Variants in PTPRQ observed in about 807,000 individuals in gnomAD.
The protein encoded by PTPRQ is protein tyrosine phosphatase receptor type Q.
PTPRQ carries 199 observed loss-of-function variants against 246.0 expected under a neutral mutation model. That is an observed-to-expected ratio of 0.81 (90% CI 0.72 to 0.91). The LOEUF (loss-of-function observed/expected upper bound fraction) is 0.91, where lower values mean the gene tolerates loss of function less well. Among genes scored for constraint, PTPRQ ranks in the 40% least tolerant of loss-of-function variants. PTPRQ has a pLI of 0.00. For synonymous variants in PTPRQ, 869 were observed against 853.2 expected, an observed-to-expected ratio of 1.02 and a Z score of -0.32; for missense variants, 2,624 against 2,528.4, an observed-to-expected ratio of 1.04 and a Z score of -0.81.
Position 80,541,595 on chromosome 12 carries a change from T to C in PTPRQ, c.3195T>C (p.Ile1065=), listed in dbSNP as rs1459056473. The change falls in exon 21 of 45, where the codon ATT becomes ATC. Residue 1065 remains isoleucine (I), a synonymous_variant. Coordinates refer to ENST00000644991, the MANE Select transcript of PTPRQ (RefSeq NM_001145026.2). ...TTGGAAACCTGACTTACGAATCCAT[T>C]TCGTCAACTGCAATAAATGTAAGCT... is the stretch of plus-strand genomic sequence containing the variant. The part of the protein sequence containing the change: ...GFVGNLTYES[I]SSTAINVSWV... 39 of 1,539,626 alleles carry C rather than the reference T, an allele frequency of 2.5e-5. No homozygotes were observed. The highest frequency in any genetic ancestry group is 4.4e-6 in the Non-Finnish European group (5 of 1,141,132).
intron 33 of PTPRQ, among the ~76,000 whole-genome samples, chr12:80,631,297 C>T (rs1899423875): frequency 6.6e-6 from 1 of 152,040 alleles, no homozygotes; most frequent in South Asian, 2.1e-4. Context: ...GTGCAAAAAG[C>T]TCCTGTGACA....
At chr12:80,607,956 G>C (rs771076218) in intron 27 of PTPRQ, among the ~76,000 whole-genome samples, 6 of 150,838 alleles carry the variant, frequency 4.0e-5, no homozygotes, top group Non-Finnish European at 8.9e-5. Context: ...CACTGGAATA[G>C]AAACAGCTAA....
At chr12:80,613,132 T>C (rs140879916) in intron 28 of PTPRQ, among the ~76,000 whole-genome samples, 1 of 150,706 alleles carries the variant, frequency 6.6e-6, no homozygotes, top group African/African-American at 2.4e-5. Flanking sequence ...ATAAAGTCTG[T>C]AGCATTAACA....
chr12:80,522,859 A>T lies in PTPRQ; in HGVS notation c.2679-11156A>T, dbSNP rs1895548343. ...TGTGTCTCTGCCAGGCTTTGGTATC[A>T]GGATGATGCTGGCATCATAAAATGA... is the stretch of plus-strand genomic sequence containing the variant. On this transcript the variant is annotated intron_variant, in intron 17 of 44. Coordinates refer to ENST00000644991, the MANE Select transcript of PTPRQ (RefSeq NM_001145026.2). Among the ~76,000 whole-genome samples the T allele has an allele frequency of 5.3e-5, 8 of 152,302 alleles. 1 individual carries two copies. The highest frequency in any genetic ancestry group is 3.4e-3 in the Middle Eastern group (1 of 294).
chr12:80,549,421 C>G, intron 24 of PTPRQ, 44 bp from the exon 25 acceptor site: 1 of 1,485,972 alleles, frequency 6.7e-7, no homozygotes, highest in Non-Finnish European at 9.0e-7. Flanking sequence ...TATCTACTTA[C>G]ATATGTATAC....
intron 40 of PTPRQ, 41 bp downstream of exon 40, chr12:80,669,182 T>C (rs1397919747): frequency 1.3e-6 from 2 of 1,539,782 alleles, no homozygotes; most frequent in Middle Eastern, 3.4e-4. Flanking sequence ...TGTTTTACGA[T>C]TGTGTTAACA....
intron 10 of PTPRQ, among the ~76,000 whole-genome samples, chr12:80,494,125 TA>T (rs891077938): frequency 1.9e-3 from 292 of 151,700 alleles, no homozygotes; most frequent in East Asian, 0.018. Flanking sequence ...GTAGAATTAG[TA>T]AAAAAAAATC....
chr12:80,462,084 A>C (rs1165804868), intron 6 of PTPRQ: 14 of 640,248 alleles, frequency 2.2e-5, no homozygotes, highest in Non-Finnish European at 3.1e-5. Context: ...GGGGAGCACA[A>C]GGGGTCAGGG....
At chr12:80,578,075 T>C (rs1897322278) in intron 25 of PTPRQ, among the ~76,000 whole-genome samples, 1 of 152,150 alleles carries the variant, frequency 6.6e-6, no homozygotes. Context: ...TTTTAATTTT[T>C]ATTTTTTATT....
chr12:80,619,285 A>G, intron 30 of PTPRQ, 99 bp from the exon 31 acceptor site: 1 of 1,326,896 alleles, frequency 7.5e-7, no homozygotes. Context: ...GTTTGTCATC[A>G]CTTTATCTGT....
chr12:80,667,799 T>C (rs1418969664), intron 39 of PTPRQ, among the ~76,000 whole-genome samples: 1 of 151,970 alleles, frequency 6.6e-6, no homozygotes, highest in Non-Finnish European at 1.5e-5. Flanking sequence ...CATTAACATA[T>C]ATTATTTTTA....
intron 3 of PTPRQ, chr12:80,454,659 G>T: frequency 1.6e-6 from 1 of 633,208 alleles, no homozygotes; most frequent in East Asian, 2.7e-5. Context: ...CTACTTTGTT[G>T]AGGGTTTTTA....
In PTPRQ at chr12:80,643,119, C is replaced by T. The variant is rs112601052; in HGVS notation, c.5916-5778C>T. Among the ~76,000 whole-genome samples the T allele has an allele frequency of 2.3e-3, 348 of 151,782 alleles. 2 individuals carry two copies. The highest frequency in any genetic ancestry group is 8.1e-3 in the African/African-American group (336 of 41,390). On this transcript the variant is annotated intron_variant, in intron 35 of 44. Coordinates refer to ENST00000644991, the MANE Select transcript of PTPRQ (RefSeq NM_001145026.2). The stretch of plus-strand genomic sequence containing the variant: ...TTGAGAAGGTAATACATATCATTTA[C>T]TATTAATTGTTTTCCTGATTTAAAA...
At chr12:80,460,467 A>G (rs1893123163) in intron 5 of PTPRQ, among the ~76,000 whole-genome samples, 186 bp from the exon 6 acceptor site, 1 of 152,202 alleles carries the variant, frequency 6.6e-6, no homozygotes, top group Non-Finnish European at 1.5e-5. Flanking sequence ...TACAATAAAT[A>G]TGTCCTCTTC....
chr12:80,640,831 T>C (rs1899829376), intron 35 of PTPRQ, among the ~76,000 whole-genome samples: 1 of 152,216 alleles, frequency 6.6e-6, no homozygotes, highest in Non-Finnish European at 1.5e-5. Flanking sequence ...CTTATCAAAA[T>C]GCACATTGAC....
At chr12:80,447,254 T>A (rs1311222113) in intron 3 of PTPRQ, among the ~76,000 whole-genome samples, 1 of 152,074 alleles carries the variant, frequency 6.6e-6, no homozygotes, top group Non-Finnish European at 1.5e-5. Context: ...ATGGGGTTTT[T>A]CTCCTTGTAT....
At chr12:80,495,118 C>T (rs1445931003) in intron 11 of PTPRQ, 24 bp downstream of exon 11, 1 of 1,550,242 alleles carries the variant, frequency 6.5e-7, no homozygotes, top group Admixed American at 2.0e-5. Context: ...TCCTTTGAAA[C>T]AATTAACTGC....
chr12:80,583,343 T>C (rs1457603298), intron 25 of PTPRQ, among the ~76,000 whole-genome samples: 1 of 152,234 alleles, frequency 6.6e-6, no homozygotes, highest in Non-Finnish European at 1.5e-5. Context: ...GTGATTTTTT[T>C]CAATATTTTT....
intron 17 of PTPRQ, among the ~76,000 whole-genome samples, chr12:80,530,923 A>G (rs1895825868): frequency 6.6e-6 from 1 of 152,054 alleles, no homozygotes; most frequent in Non-Finnish European, 1.5e-5. Context: ...GTAGGGTTGC[A>G]TGCCTGTAGT....
Sources: allele counts gnomAD v4.1 joint callset (sites outside exome capture counted in the v4.1 genomes callset), GRCh38; gene constraint gnomAD v4.1.1; transcripts MANE v1.5; gene names NCBI Gene and HGNC (gene_info 2026-07-23, HGNC 2026-07-21).